The following GABRA2 variants were observed in gnomAD, a reference collection of about 807,000 sequenced individuals.
GABRA2 encodes gamma-aminobutyric acid type A receptor subunit alpha2, also known as gamma-aminobutyric acid receptor subunit alpha-2.
GABRA2 carries 16 observed loss-of-function variants against 48.7 expected under a neutral mutation model. The observed-to-expected ratio is 0.33, with a 90% confidence interval of 0.22 to 0.50. GABRA2 has a LOEUF of 0.50. Ranked by LOEUF, GABRA2 falls within the 20% of genes least tolerant of loss-of-function variation. The pLI is 0.98. For synonymous variants in GABRA2, 185 were observed against 184.5 expected (o/e 1.00, Z -0.02); for missense variants, 275 against 535.6 (o/e 0.51, Z 4.80).
intron 3 of GABRA2, among the ~76,000 whole-genome samples, chr4:46,334,370 T>C (rs1261323762): frequency 1.3e-5 from 2 of 152,282 alleles, no homozygotes; most frequent in African/African-American, 4.8e-5. Flanking sequence ...CCGACATTTT[T>C]TTCCTTTTAC....
At chr4:46,330,373 C>T (rs13145161) in intron 4 of GABRA2, among the ~76,000 whole-genome samples, 3,843 of 151,832 alleles carry the variant, frequency 0.025, 60 homozygotes, top group South Asian at 0.041. Flanking sequence ...TTTTTAAATA[C>T]GTTAGCAATC....
chr4:46,277,117 TG>T (rs1275905638), intron 8 of GABRA2, among the ~76,000 whole-genome samples: 1 of 152,164 alleles, frequency 6.6e-6, no homozygotes, highest in Non-Finnish European at 1.5e-5. Flanking sequence ...TCATAATTCG[TG>T]TGAATTACAA....
chr4:46,388,325 T>C (rs879452384), intron 2 of GABRA2, among the ~76,000 whole-genome samples: 1 of 152,236 alleles, frequency 6.6e-6, no homozygotes, highest in Non-Finnish European at 1.5e-5. Context: ...TATCGAATCC[T>C]GGTGTTATAT....
chr4:46,265,395 T>C (rs1051828518), intron 8 of GABRA2, among the ~76,000 whole-genome samples: 1 of 123,990 alleles, frequency 8.1e-6, no homozygotes, highest in African/African-American at 2.9e-5. Context: ...AATATATATA[T>C]AATATATTGT....
chr4:46,346,438 C>A lies in GABRA2; in HGVS notation c.188-13756G>T, dbSNP rs141083812. 4.5e-3 allele frequency among the ~76,000 whole-genome samples: 684 copies of A among 151,582 alleles called. 6 individuals carry two copies. Among genetic ancestry groups the A allele is most frequent in the African/African-American group, 0.016 (660 of 41,428 alleles). ...ACTCGGCAAGTATTTTGTTTAGGTACAATCATTTTTTAGTATAGTTCTAAG... is the reference window on the plus strand; with the variant it reads ...ACTCGGCAAGTATTTTGTTTAGGTAAAATCATTTTTTAGTATAGTTCTAAG... On this transcript the variant is annotated intron_variant, in intron 3 of 9. Transcript: ENST00000381620.
intron 4 of GABRA2, among the ~76,000 whole-genome samples, chr4:46,315,905 C>T (rs1041034169): frequency 6.6e-6 from 1 of 150,698 alleles, no homozygotes; most frequent in South Asian, 2.1e-4. Context: ...TAGTGTACAC[C>T]CTTCCCATAC....
intron 3 of GABRA2, among the ~76,000 whole-genome samples, chr4:46,355,619 AT>A (rs1455902310): frequency 6.6e-6 from 1 of 152,174 alleles, no homozygotes; most frequent in Admixed American, 6.6e-5. Flanking sequence ...AGGGAAGCTC[AT>A]TTCAATATGT....
At chr4:46,300,284 A>G (rs1039849540) in intron 8 of GABRA2, among the ~76,000 whole-genome samples, 2 of 151,934 alleles carry the variant, frequency 1.3e-5, no homozygotes, top group South Asian at 4.2e-4. Context: ...TTGATATCAT[A>G]TATTCAGTAT....
At chr4:46,261,888 A>G in intron 9 of GABRA2, 38 bp downstream of exon 9, 1 of 1,512,960 alleles carries the variant, frequency 6.6e-7, no homozygotes, top group Non-Finnish European at 9.2e-7. Context: ...TCATTAGGGT[A>G]TTTTCTTAAT....
intron 8 of GABRA2, among the ~76,000 whole-genome samples, chr4:46,287,677 A>C (rs28843109): frequency 0.38 from 55,915 of 146,390 alleles, 11,186 homozygotes; most frequent in East Asian, 0.49. Flanking sequence ...ATACCTAATG[A>C]TAGATGACGA....
At chr4:46,289,344 T>C (rs987132262) in intron 8 of GABRA2, among the ~76,000 whole-genome samples, 24 of 152,304 alleles carry the variant, frequency 1.6e-4, no homozygotes, top group African/African-American at 5.8e-4. Context: ...GTGGTAAATA[T>C]ACACCATGGA....
chr4:46,358,915 A>G (rs1712671661), intron 3 of GABRA2, among the ~76,000 whole-genome samples: 1 of 152,204 alleles, frequency 6.6e-6, no homozygotes, highest in Non-Finnish European at 1.5e-5. Flanking sequence ...TTCTATACAT[A>G]AGGAATGATG....
chr4:46,330,589 TATAGAG>T (rs1241139471), intron 4 of GABRA2, among the ~76,000 whole-genome samples: 5 of 124,670 alleles, frequency 4.0e-5, no homozygotes, highest in Admixed American at 1.8e-4. Flanking sequence ...TATATATATA[TATAGAG>T]AGAGAGAGAG....
intron 8 of GABRA2, among the ~76,000 whole-genome samples, chr4:46,291,897 T>G (rs566259617): frequency 7.2e-5 from 11 of 151,758 alleles, no homozygotes; most frequent in Admixed American, 1.3e-4. Context: ...TACAGAGAAA[T>G]AGAATATTAA....
intron 9 of GABRA2, among the ~76,000 whole-genome samples, chr4:46,259,975 A>C (rs979635786): frequency 6.6e-6 from 1 of 151,860 alleles, no homozygotes; most frequent in African/African-American, 2.4e-5. Context: ...AACATCTCTC[A>C]AAACTCATCT....
chr4:46,251,960 T>C (rs187104491), intron 9 of GABRA2, among the ~76,000 whole-genome samples: 1 of 151,652 alleles, frequency 6.6e-6, no homozygotes, highest in Admixed American at 6.6e-5. Context: ...TTTTGGTTAC[T>C]TGAATACAAA....
At chr4:46,293,764 C>G (rs1216263391) in intron 8 of GABRA2, among the ~76,000 whole-genome samples, 1 of 152,142 alleles carries the variant, frequency 6.6e-6, no homozygotes, top group East Asian at 1.9e-4. Context: ...ATATCGCATC[C>G]CTGGAGGAAC....
intron 3 of GABRA2, among the ~76,000 whole-genome samples, chr4:46,372,306 G>C (rs554305390): frequency 1.3e-5 from 2 of 152,214 alleles, no homozygotes; most frequent in African/African-American, 4.8e-5. Flanking sequence ...AACTATGAAG[G>C]TAAAGGCAGA....
At chr4:46,307,736 G>A (rs374461137) in intron 6 of GABRA2, among the ~76,000 whole-genome samples, 6 of 152,064 alleles carry the variant, frequency 3.9e-5, no homozygotes, top group African/African-American at 1.2e-4. Flanking sequence ...AAGCTCAAGA[G>A]TTTATTAAAG....
Sources: gnomAD v4.1 joint callset for allele counts (sites outside exome capture counted in the v4.1 genomes callset) on GRCh38, gnomAD v4.1.1 for gene constraint, MANE v1.5 for transcripts, NCBI Gene and HGNC (gene_info 2026-07-23, HGNC 2026-07-21) for gene names.